GANAB: variants seen among roughly 807,000 people sequenced by gnomAD.
GANAB encodes neutral alpha-glucosidase AB.
A neutral mutation model predicts 129.9 loss-of-function variants in GANAB; 35 were observed. That is an observed-to-expected ratio of 0.27 (90% confidence interval 0.21 to 0.36). The LOEUF is 0.36. Among genes scored for constraint, GANAB ranks in the 10% least tolerant of loss-of-function variants. The probability of loss-of-function intolerance (pLI) is 1.00; values close to 1 mark genes in which losing one functional copy is unlikely to be tolerated. For synonymous variants in GANAB, 482 were observed against 451.8 expected (o/e 1.07, Z -0.85); for missense variants, 939 against 1,221.0 (o/e 0.77, Z 3.44).
chr11:62,641,968 G>A (rs1438657515), intron 1 of GANAB, among the ~76,000 whole-genome samples: 2 of 151,746 alleles, frequency 1.3e-5, no homozygotes, highest in Non-Finnish European at 2.9e-5. Flanking sequence ...AGGCCGGGGT[G>A]GGCGGATCAC....
chr11:62,632,514 C>A, intron 9 of GANAB, 51 bp downstream of exon 9: 1 of 1,459,652 alleles, frequency 6.9e-7, no homozygotes, highest in Non-Finnish European at 9.6e-7. Context: ...CTATTTGCCT[C>A]AAGGCCTGGA....
At position 62,629,128 on chromosome 11, in the gene GANAB, G is replaced by C. The variant is rs1263482767; in HGVS notation, c.1936+66C>G. On this transcript the variant is annotated intron_variant, in intron 16 of 23. Transcript: ENST00000356638. ...CAACTCTCTTTGCTTACAACACCTT[G>C]GTCCTGTGCCCTCTACTTTGCCCCT... The C allele has an allele frequency of 9.8e-6, 15 of 1,527,132 alleles. No homozygotes were observed. The South Asian group carries it at 1.3e-4, about 14-fold the overall frequency. 94.6% of individuals were successfully genotyped at this position (1,527,132 alleles called of 1,614,324 possible). A position where few individuals can be genotyped will look rare whatever the true frequency, so the allele number is the denominator to read the frequency against.
At chr11:62,632,895 C>A in intron 8 of GANAB, 110 bp downstream of exon 8, 1 of 970,280 alleles carries the variant, frequency 1.0e-6, no homozygotes. Flanking sequence ...ATTCTGGACA[C>A]AAGAAATGAC....
At chr11:62,640,807 T>C (rs1944216894) in intron 1 of GANAB, among the ~76,000 whole-genome samples, 1 of 97,922 alleles carries the variant, frequency 1.0e-5, no homozygotes, top group African/African-American at 4.0e-5. Flanking sequence ...CACTCCAGCC[T>C]GGGCGACAAA....
chr11:62,633,755 A>T (rs1590808246), intron 5 of GANAB: 1 of 570,580 alleles, frequency 1.8e-6, no homozygotes, highest in East Asian at 2.9e-5. Context: ...AGGCCTGAAC[A>T]CCAGCCTCTG....
At chr11:62,639,243 A>G in intron 3 of GANAB, 116 bp downstream of exon 3, 1 of 1,296,512 alleles carries the variant, frequency 7.7e-7, no homozygotes, top group Non-Finnish European at 1.1e-6. Context: ...ATTTCTTCAT[A>G]AAGTAAAAGT....
chr11:62,641,805 C>A (rs1258245660), intron 1 of GANAB, among the ~76,000 whole-genome samples: 2 of 152,030 alleles, frequency 1.3e-5, no homozygotes, highest in Admixed American at 1.3e-4. Context: ...ATCTTGAATT[C>A]CTGACCTCAG....
chr11:62,627,149 G>C, intron 18 of GANAB, 25 bp from the exon 19 acceptor site: 1 of 1,587,774 alleles, frequency 6.3e-7, no homozygotes, highest in Non-Finnish European at 8.7e-7. Flanking sequence ...AATCAACTCT[G>C]AATAGGGGGA....
chr11:62,629,169 G>T, intron 16 of GANAB, 25 bp downstream of exon 16: 1 of 1,579,800 alleles, frequency 6.3e-7, no homozygotes, highest in South Asian at 1.1e-5. Flanking sequence ...ACCAAACCAA[G>T]ACCCCAAATT....
At chr11:62,639,306 T>C in intron 3 of GANAB, 53 bp downstream of exon 3, 2 of 1,319,220 alleles carry the variant, frequency 1.5e-6, no homozygotes, top group Non-Finnish European at 2.2e-6. Context: ...CTTTCCAAAT[T>C]ACCCCACAGC....
Position 62,630,596 on chromosome 11 carries a change from C to T in GANAB, c.1386+5G>A, listed in dbSNP as rs1345978145. 18 of 1,611,408 alleles carry T rather than the reference C, an allele frequency of 1.1e-5. No individual in the cohort carries two copies. Among genetic ancestry groups the T allele is most frequent in the Non-Finnish European group, 1.4e-5 (16 of 1,177,740 alleles). ...AGAAGACCAAGCGTGACTGCAACCC[C>T]TTACCTTCCGCCTCTTAGAAGCCAA... On this transcript the variant is annotated splice_donor_5th_base_variant and intron_variant, in intron 11 of 23. Transcript: ENST00000356638.
At chr11:62,642,468 T>C (rs2134551239) in intron 1 of GANAB, among the ~76,000 whole-genome samples, 1 of 151,310 alleles carries the variant, frequency 6.6e-6, no homozygotes, top group South Asian at 2.1e-4. Context: ...GGAGCCTTGC[T>C]CTGTCACCCA....
intron 16 of GANAB, 43 bp downstream of exon 16, chr11:62,629,151 C>G: frequency 6.4e-7 from 1 of 1,557,920 alleles, no homozygotes; most frequent in Non-Finnish European, 8.9e-7. Context: ...CTACTTTGCC[C>G]CTTTCCCACC....
chr11:62,639,442 G>A lies in GANAB; in HGVS notation c.169C>T (p.Leu57Phe), dbSNP rs765222137. 3.1e-6 allele frequency: 5 copies of A among 1,613,496 alleles called. No individual in the cohort carries two copies. The highest frequency in any genetic ancestry group is 4.2e-6 in the Non-Finnish European group (5 of 1,179,622). The change falls in exon 3 of 24, where the codon CTC (leucine) becomes TTC (phenylalanine). Residue 57 changes from leucine (L) to phenylalanine (F), a missense_variant. This residue lies in a region of GANAB where 321 missense variants were observed against 329.1 expected (regional missense o/e 0.98). Transcript: ENST00000356638. ...CKRQRSIRPGLSPYRALLDSL... is the reference protein window; with the variant it reads ...CKRQRSIRPGFSPYRALLDSL... The stretch of plus-strand genomic sequence containing the variant: ...TCCAGCAAGGCTCGGTATGGAGAGA[G>A]GCCTGGCCGTATGCTTCTCTGTCGC...
At chr11:62,628,016 C>T (rs1943480113) in intron 17 of GANAB, among the ~76,000 whole-genome samples, 1 of 152,164 alleles carries the variant, frequency 6.6e-6, no homozygotes, top group African/African-American at 2.4e-5. Flanking sequence ...TTCTTAATCT[C>T]ATCTCCTAGC....
intron 2 of GANAB, 73 bp downstream of exon 2, chr11:62,639,554 C>T (rs538211488): frequency 3.5e-5 from 50 of 1,420,418 alleles, no homozygotes; most frequent in South Asian, 2.9e-4. Context: ...CTTAGGCACT[C>T]CATCTGCCAC....
At chr11:62,639,593 T>G (rs1944127707) in intron 2 of GANAB, 34 bp downstream of exon 2, 1 of 1,523,028 alleles carries the variant, frequency 6.6e-7, no homozygotes, top group African/African-American at 1.4e-5. Flanking sequence ...CCTACAACCC[T>G]ACATTCCATC....
chr11:62,644,196 G>A (rs1033573341), intron 1 of GANAB, among the ~76,000 whole-genome samples: 2 of 151,950 alleles, frequency 1.3e-5, no homozygotes, highest in African/African-American at 2.4e-5. Flanking sequence ...CGCCAGCCTC[G>A]GCCTCCCAAA....
At position 62,626,239 on chromosome 11, in the gene GANAB, A is replaced by G. The variant is rs138894150; in HGVS notation, c.2625-74T>C. 8.5e-5 allele frequency: 115 copies of G among 1,357,428 alleles called. No individual in the cohort carries two copies. The East Asian group carries it at 2.6e-3, about 31-fold the overall frequency. 84.1% of individuals were successfully genotyped at this position (1,357,428 alleles called of 1,614,324 possible). ...AGAAGGAAGGAGGAGACCCAAAGCA[A>G]GGTCAGAATGTGAGAAAAGAGCACA... is the stretch of plus-strand genomic sequence containing the variant. On this transcript the variant is annotated intron_variant, in intron 22 of 23. Coordinates refer to ENST00000356638, the MANE Select transcript of GANAB (RefSeq NM_198334.3).
Sources: allele counts gnomAD v4.1 joint callset (sites outside exome capture counted in the v4.1 genomes callset), GRCh38; gene constraint gnomAD v4.1.1; regional missense constraint gnomAD v4.1.1; transcripts MANE v1.5; gene names NCBI Gene and HGNC (gene_info 2026-07-23, HGNC 2026-07-21).